FGF1: variants seen among roughly 807,000 people sequenced by gnomAD.
The protein encoded by FGF1 is beta-endothelial cell growth factor.
Under a neutral mutation model 13.4 loss-of-function variants are expected in FGF1, and 9 were observed. That is an observed-to-expected ratio of 0.67 (90% CI 0.40 to 1.17). The LOEUF (loss-of-function observed/expected upper bound fraction) is 1.17. Ranked by LOEUF, FGF1 falls within the 50% of genes most tolerant of loss-of-function variation. The probability of loss-of-function intolerance (pLI) is 0.01; values close to 1 mark genes in which losing one functional copy is unlikely to be tolerated. For synonymous variants in FGF1, 93 were observed against 79.0 expected, an observed-to-expected ratio of 1.18 and a Z score of -0.94; for missense variants, 156 against 192.7, an observed-to-expected ratio of 0.81 and a Z score of 1.13.
Position 142,600,773 on chromosome 5 carries a change from C to T in FGF1, c.202G>A (p.Glu68Lys), listed in dbSNP as rs749809722. ...GTCTCGGTACTCTTTATATACACCT[C>T]CCCCACGCTTTCCGCACTGAGCTGC... Reference protein sequence around the residue: ...QLQLSAESVGEVYIKSTETGQ... With the variant: ...QLQLSAESVGKVYIKSTETGQ... Residue 68 changes from glutamate (E) to lysine (K), a missense_variant, in exon 3 of 4, where the codon GAG (glutamate) becomes AAG (lysine). Physicochemically the swap from Glu to Lys is moderately conservative, Grantham distance 56. Transcript: ENST00000337706. 19 of 1,613,542 alleles carry T rather than the reference C, an allele frequency of 1.2e-5. No individual in the cohort carries two copies. The South Asian group carries it at 1.9e-4, about 16-fold the overall frequency.
intron 1 of FGF1, among the ~76,000 whole-genome samples, chr5:142,635,042 T>A (rs556233314): frequency 1.1e-4 from 16 of 152,256 alleles, no homozygotes; most frequent in African/African-American, 3.6e-4. Flanking sequence ...CTTTTCCACT[T>A]AATTTAAGTA....
intron 2 of FGF1, among the ~76,000 whole-genome samples, chr5:142,608,490 G>A (rs1462654143): frequency 7.2e-6 from 1 of 139,086 alleles, no homozygotes; most frequent in African/African-American, 2.7e-5. Context: ...TAATTCCAGT[G>A]GTAAAAAATA....
intron 1 of FGF1, among the ~76,000 whole-genome samples, chr5:142,661,939 G>T (rs901550317): frequency 1.1e-4 from 17 of 151,896 alleles, no homozygotes; most frequent in Non-Finnish European, 2.4e-4. Flanking sequence ...GGGGGTGGAG[G>T]TTGCAGTGAG....
chr5:142,613,173 C>T (rs17223660), intron 2 of FGF1, among the ~76,000 whole-genome samples: 153 of 152,292 alleles, frequency 1.0e-3, no homozygotes, highest in African/African-American at 3.6e-3. Flanking sequence ...GATAACATCA[C>T]GATAGGACCT....
At chr5:142,627,296 A>G (rs1762612984) in intron 1 of FGF1, 1 of 152,178 alleles carries the variant, frequency 6.6e-6, no homozygotes, top group Admixed American at 6.5e-5. Flanking sequence ...TCCAGCCAAG[A>G]GAAGTGTGAT....
intron 1 of FGF1, among the ~76,000 whole-genome samples, chr5:142,643,312 C>A (rs2151954614): frequency 6.6e-6 from 1 of 152,284 alleles, no homozygotes; most frequent in Admixed American, 6.5e-5. Flanking sequence ...CACACACACA[C>A]ACACATACCC....
chr5:142,641,735 G>C (rs1765234596), intron 1 of FGF1, among the ~76,000 whole-genome samples: 1 of 151,812 alleles, frequency 6.6e-6, no homozygotes, highest in South Asian at 2.1e-4. Context: ...CTGAGATCTT[G>C]AGAAATTAAC....
intron 1 of FGF1, among the ~76,000 whole-genome samples, chr5:142,619,667 C>G (rs1333327765): frequency 1.3e-5 from 2 of 152,080 alleles, no homozygotes; most frequent in Non-Finnish European, 2.9e-5. Flanking sequence ...AACCCCGTCT[C>G]TACTAAAAAT....
intron 1 of FGF1, chr5:142,697,830 T>A (rs1371502786): frequency 6.6e-6 from 1 of 152,304 alleles, no homozygotes; most frequent in African/African-American, 2.4e-5. Context: ...GTCCTCTCTC[T>A]CCTGCTCCCT....
chr5:142,615,496 A>G (rs1760044015), intron 1 of FGF1, among the ~76,000 whole-genome samples: 1 of 152,250 alleles, frequency 6.6e-6, no homozygotes, highest in Non-Finnish European at 1.5e-5. Flanking sequence ...TGCTGGGATT[A>G]CAGGCGTAAG....
intron 1 of FGF1, among the ~76,000 whole-genome samples, chr5:142,683,195 T>A (rs1191994770): frequency 6.6e-6 from 1 of 152,262 alleles, no homozygotes; most frequent in East Asian, 1.9e-4. Context: ...GCATTAGCCA[T>A]GCACTGCTTA....
intron 1 of FGF1, among the ~76,000 whole-genome samples, chr5:142,661,384 C>T (rs958031296): frequency 4.6e-5 from 7 of 152,228 alleles, no homozygotes; most frequent in African/African-American, 1.7e-4. Context: ...CCCTCATACA[C>T]TGCTGGTGGG....
intron 2 of FGF1, among the ~76,000 whole-genome samples, chr5:142,610,842 C>A (rs1758884156): frequency 6.6e-6 from 1 of 152,120 alleles, no homozygotes. Flanking sequence ...TAGGGTTATA[C>A]CACTATAAGG....
chr5:142,604,198 T>C (rs1369661045), intron 2 of FGF1, among the ~76,000 whole-genome samples: 5 of 152,242 alleles, frequency 3.3e-5, no homozygotes, highest in Admixed American at 2.0e-4. Flanking sequence ...TGCACAACTC[T>C]GTTAAGTTGT....
intron 1 of FGF1, among the ~76,000 whole-genome samples, chr5:142,628,880 A>T (rs114029604): frequency 6.6e-6 from 1 of 152,182 alleles, no homozygotes; most frequent in African/African-American, 2.4e-5. Flanking sequence ...CTTTTCGCAC[A>T]TAATTCCTCT....
chr5:142,608,533 T>C (rs1306493200), intron 2 of FGF1, among the ~76,000 whole-genome samples: 1 of 120,458 alleles, frequency 8.3e-6, no homozygotes, highest in African/African-American at 3.1e-5. Flanking sequence ...TATAAATATA[T>C]ATACACATCT....
intron 1 of FGF1, among the ~76,000 whole-genome samples, chr5:142,624,473 A>C (rs1762143680): frequency 6.6e-6 from 1 of 152,238 alleles, no homozygotes; most frequent in Non-Finnish European, 1.5e-5. Flanking sequence ...TCATTTGCTT[A>C]GGTGCTCAAC....
chr5:142,602,365 TG>T (rs1369294080), intron 2 of FGF1, among the ~76,000 whole-genome samples: 2 of 151,980 alleles, frequency 1.3e-5, no homozygotes, highest in Middle Eastern at 3.2e-3. Context: ...TTAGTAGAGA[TG>T]GGGTTTCACC....
In FGF1 at chr5:142,663,636, C is replaced by T. The variant is rs1178662849; in HGVS notation, c.-35+22321G>A. Among the ~76,000 whole-genome samples, 3 of 152,156 alleles carry T rather than the reference C, an allele frequency of 2.0e-5. No homozygotes were observed. The East Asian group carries it at 5.8e-4, about 29-fold the overall frequency. On this transcript the variant is annotated intron_variant, in intron 1 of 3. Transcript: ENST00000337706. Reference sequence around the variant, plus strand: ...CAGCTTATACGTACACAGCCCACAGCGGAGGAGGGAGGTCTTGGGGTCAAA... The same window carrying T: ...CAGCTTATACGTACACAGCCCACAGTGGAGGAGGGAGGTCTTGGGGTCAAA...
Sources: gnomAD v4.1 joint callset for allele counts (sites outside exome capture counted in the v4.1 genomes callset) on GRCh38, gnomAD v4.1.1 for gene constraint, MANE v1.5 for transcripts, NCBI Gene and HGNC (gene_info 2026-07-23, HGNC 2026-07-21) for gene names.